The following BLTP1 variants were observed in gnomAD, a reference collection of about 807,000 sequenced individuals.
The protein encoded by BLTP1 is fragile site-associated protein.
chr4:122,295,205 G>A, the BLTP1 span, among the ~76,000 whole-genome samples: 1 of 152,130 alleles, frequency 6.6e-6, no homozygotes, highest in Admixed American at 6.5e-5. Context: ...TATCATCCAG[G>A]AGAACTTCCC....
the BLTP1 span, chr4:122,198,068 C>T: frequency 1.0e-6 from 1 of 985,290 alleles, no homozygotes; most frequent in African/African-American, 1.7e-5. Context: ...TTTCTTGGTT[C>T]TGTCACTTAT....
chr4:122,274,191 A>G, the BLTP1 span: 1 of 559,820 alleles, frequency 1.8e-6, no homozygotes, highest in Non-Finnish European at 3.0e-6. Context: ...GAAATTTTTT[A>G]AAAAGTAGCT....
the BLTP1 span, chr4:122,152,952 A>G: frequency 6.1e-6 from 6 of 978,368 alleles, no homozygotes; most frequent in Non-Finnish European, 7.3e-6. Flanking sequence ...AGTAGACCCC[A>G]TGCTGCTTAA....
the BLTP1 span, chr4:122,300,778 A>G: frequency 1.0e-4 from 43 of 426,276 alleles, no homozygotes; most frequent in Non-Finnish European, 1.3e-4. Flanking sequence ...ACATATGTAC[A>G]AAAAGATTAA....
At chr4:122,172,162 G>A in the BLTP1 span, 2 of 332,076 alleles carry the variant, frequency 6.0e-6, no homozygotes, top group Non-Finnish European at 8.6e-6. Flanking sequence ...CCTGGGAATT[G>A]TATTTTATGT....
At chr4:122,274,226 C>A in the BLTP1 span, 12 of 672,304 alleles carry the variant, frequency 1.8e-5, no homozygotes, top group South Asian at 6.7e-5. Context: ...CAAAATTTAC[C>A]ATAACTTTAA....
chr4:122,189,846 A>AT, the BLTP1 span: 1 of 942,268 alleles, frequency 1.1e-6, no homozygotes, highest in Non-Finnish European at 1.3e-6. Context: ...TTCATTGGAA[A>AT]GATGTTTTTC....
chr4:122,261,271 C>T, the BLTP1 span: 1 of 984,458 alleles, frequency 1.0e-6, no homozygotes, highest in Non-Finnish European at 1.2e-6. Flanking sequence ...GCTTTTTTTC[C>T]TGATGGACAG....
At chr4:122,357,703 T>G in the BLTP1 span, among the ~76,000 whole-genome samples, 1 of 152,206 alleles carries the variant, frequency 6.6e-6, no homozygotes, top group Admixed American at 6.5e-5. Flanking sequence ...ATATGGCCAT[T>G]TATTCATTCA....
chr4:122,285,222 A>G, the BLTP1 span, among the ~76,000 whole-genome samples: 1 of 152,186 alleles, frequency 6.6e-6, no homozygotes, highest in African/African-American at 2.4e-5. Flanking sequence ...AGAGATAAGA[A>G]CCCAAAATTC....
the BLTP1 span, among the ~76,000 whole-genome samples, chr4:122,241,306 T>G: frequency 9.9e-5 from 15 of 152,166 alleles, 1 homozygote; most frequent in Admixed American, 9.8e-4. Context: ...GTGGAGAGAC[T>G]TGCTCGTAAT....
the BLTP1 span, chr4:122,245,023 T>C: frequency 6.2e-7 from 1 of 1,608,520 alleles, no homozygotes; most frequent in Non-Finnish European, 8.5e-7. Flanking sequence ...CCCTCAGATA[T>C]ATTGAAGCAA....
At chr4:122,155,101 C>T in the BLTP1 span, 1 of 185,462 alleles carries the variant, frequency 5.4e-6, no homozygotes, top group East Asian at 1.9e-4. Context: ...TCTTCATGGC[C>T]CTGGAGAACA....
chr4:122,309,419 G>A, the BLTP1 span: 1 of 1,613,330 alleles, frequency 6.2e-7, no homozygotes. Flanking sequence ...GACATCATGG[G>A]ATGACTGGAA....
At chr4:122,153,749 A>T in the BLTP1 span, among the ~76,000 whole-genome samples, 38 of 152,318 alleles carry the variant, frequency 2.5e-4, no homozygotes, top group East Asian at 7.3e-3. Flanking sequence ...TAAACATAGG[A>T]TTTGATCTCT....
At chr4:122,257,615 TTAA>T in the BLTP1 span, 3 of 854,228 alleles carry the variant, frequency 3.5e-6, no homozygotes, top group Non-Finnish European at 5.6e-6. Context: ...TATCAGTAAG[TTAA>T]TATACCTCTT....
At chr4:122,167,263 T>A in the BLTP1 span, among the ~76,000 whole-genome samples, 6 of 152,242 alleles carry the variant, frequency 3.9e-5, no homozygotes, top group East Asian at 1.2e-3. Context: ...TCATTCTAAT[T>A]TTCTTCCTTT....
the BLTP1 span, among the ~76,000 whole-genome samples, chr4:122,215,739 C>A: frequency 6.6e-6 from 1 of 152,002 alleles, no homozygotes; most frequent in Non-Finnish European, 1.5e-5. Flanking sequence ...TTTTTGGTTA[C>A]GTGGATAAGT....
the BLTP1 span, chr4:122,246,068 C>T: frequency 7.1e-7 from 1 of 1,404,960 alleles, no homozygotes; most frequent in Non-Finnish European, 9.3e-7. Context: ...CATAGAGGGG[C>T]AGCGTGAATA....
Sources: gnomAD v4.1 joint callset for allele counts (sites outside exome capture counted in the v4.1 genomes callset) on GRCh38, gnomAD v4.1.1 for gene constraint, MANE v1.5 for transcripts, NCBI Gene and HGNC (gene_info 2026-07-23, HGNC 2026-07-21) for gene names.